Variants in FAT3 observed in about 807,000 individuals in gnomAD.
FAT3 encodes the protein protocadherin Fat 3.
A neutral mutation model predicts 310.2 loss-of-function variants in FAT3; 95 were observed. The ratio of observed to expected loss-of-function variants is 0.31; its 90% CI spans 0.26 to 0.36. FAT3 has a LOEUF of 0.36. Ranked by LOEUF, FAT3 falls within the 10% of genes least tolerant of loss-of-function variation. FAT3 has a pLI of 1.00. For missense variants in FAT3, 5,408 were observed against 5,715.6 expected (o/e 0.95, Z 1.74); for synonymous variants, 2,314 against 2,192.9 (o/e 1.06, Z -1.54).
intron 3 of FAT3, among the ~76,000 whole-genome samples, chr11:92,565,550 A>G (rs12221934): frequency 0.37 from 56,353 of 150,296 alleles, 11,503 homozygotes; most frequent in Middle Eastern, 0.54. Context: ...GGCCAGCATC[A>G]TCCTGATACC....
intron 1 of FAT3, among the ~76,000 whole-genome samples, chr11:92,232,056 G>A (rs1239339188): frequency 6.6e-6 from 1 of 152,180 alleles, no homozygotes; most frequent in Admixed American, 6.5e-5. Context: ...AGTTGCTGTT[G>A]TGATTGGGTG....
chr11:92,428,314 C>CAAA (rs1204153889), intron 2 of FAT3, among the ~76,000 whole-genome samples: 1 of 127,116 alleles, frequency 7.9e-6, no homozygotes, highest in Non-Finnish European at 1.7e-5. Flanking sequence ...TTAATCTTTT[C>CAAA]AAAAAAAAAA....
intron 1 of FAT3, among the ~76,000 whole-genome samples, chr11:92,230,555 A>G (rs1003943260): frequency 6.6e-6 from 1 of 152,094 alleles, no homozygotes; most frequent in Admixed American, 6.5e-5. Flanking sequence ...CGGCCTCCCA[A>G]AGTGCTCGGA....
chr11:92,284,393 A>G (rs1165958777), intron 1 of FAT3, among the ~76,000 whole-genome samples: 1 of 152,096 alleles, frequency 6.6e-6, no homozygotes, highest in Non-Finnish European at 1.5e-5. Flanking sequence ...CAAAGGAGGC[A>G]GTGAATACCT....
At position 92,611,990 on chromosome 11, in the gene FAT3, T is replaced by C. The variant is rs140515360; in HGVS notation, c.3608-85394T>C. Among the ~76,000 whole-genome samples, 181 of 152,282 alleles carry C rather than the reference T, an allele frequency of 1.2e-3. 2 individuals carry two copies. The highest frequency in any genetic ancestry group is 4.0e-3 in the African/African-American group (168 of 41,554). On this transcript the variant is annotated intron_variant, in intron 3 of 27. Transcript: ENST00000525166. ...GGGGAGAACAGTAGGACCTACCTAA[T>C]AGCAACCCCATTAGGATTAAAGGAG...
At chr11:92,314,741 C>T (rs2134467279) in intron 1 of FAT3, among the ~76,000 whole-genome samples, 1 of 152,286 alleles carries the variant, frequency 6.6e-6, no homozygotes, top group South Asian at 2.1e-4. Context: ...TGGAGTTGTC[C>T]TAAGGCTCGT....
intron 3 of FAT3, among the ~76,000 whole-genome samples, chr11:92,680,638 A>C (rs1943456018): frequency 6.6e-6 from 1 of 152,164 alleles, no homozygotes; most frequent in Admixed American, 6.5e-5. Context: ...TTCCTAAAAA[A>C]TTAAATGTAC....
chr11:92,798,542 C>T lies in FAT3; in HGVS notation c.5529C>T (p.Thr1843=). The T allele has an allele frequency of 6.2e-7, 1 of 1,613,736 alleles. No homozygotes were observed. The highest frequency in any genetic ancestry group is 1.1e-5 in the South Asian group (1 of 91,042). The part of the protein sequence containing the change: ...IRTIANLDHE[T]IAHFHFHVHV... ...CAATTGCCAACCTGGACCATGAAACCATTGCCCATTTCCATTTTCATGTGC... is the reference window on the plus strand; with the variant it reads ...CAATTGCCAACCTGGACCATGAAACTATTGCCCATTTCCATTTTCATGTGC... The change falls in exon 10 of 28, where the codon ACC becomes ACT. Residue 1843 remains threonine, a synonymous_variant. Transcript: ENST00000525166.
intron 3 of FAT3, among the ~76,000 whole-genome samples, chr11:92,666,762 A>G (rs562547164): frequency 1.3e-5 from 2 of 152,192 alleles, no homozygotes; most frequent in Admixed American, 1.3e-4. Context: ...GGTGGGTGAA[A>G]GGGAAGGTAG....
At chr11:92,567,904 G>T (rs541298736) in intron 3 of FAT3, among the ~76,000 whole-genome samples, 2 of 146,340 alleles carry the variant, frequency 1.4e-5, no homozygotes, top group Non-Finnish European at 3.0e-5. Context: ...GGTTGGGGGA[G>T]GGGGGAGGGA....
At chr11:92,523,592 GAGAATTCAGGGC>G (rs1453060186) in intron 2 of FAT3, among the ~76,000 whole-genome samples, 2 of 152,204 alleles carry the variant, frequency 1.3e-5, no homozygotes, top group Non-Finnish European at 2.9e-5. Flanking sequence ...ACAGAGGATA[GAGAATTCAGGGC>G]AGAACTGGAG....
intron 3 of FAT3, among the ~76,000 whole-genome samples, chr11:92,600,032 A>G (rs1379549405): frequency 6.6e-6 from 1 of 152,212 alleles, no homozygotes; most frequent in Non-Finnish European, 1.5e-5. Flanking sequence ...TCACCATTAA[A>G]TGCTCTCTAT....
At chr11:92,332,234 C>G (rs773979454) in intron 1 of FAT3, among the ~76,000 whole-genome samples, 4 of 152,176 alleles carry the variant, frequency 2.6e-5, no homozygotes, top group Non-Finnish European at 5.9e-5. Flanking sequence ...TGCACTTTCC[C>G]ACATCTGTGT....
In FAT3 at chr11:92,389,621, T is replaced by G. The variant is rs554961840; in HGVS notation, c.3292+34217T>G. 4.6e-5 allele frequency among the ~76,000 whole-genome samples: 7 copies of G among 152,288 alleles called. No individual in the cohort carries two copies. The South Asian group carries it at 1.5e-3, about 32-fold the overall frequency. On this transcript the variant is annotated intron_variant, in intron 2 of 27. Transcript: ENST00000525166. The stretch of plus-strand genomic sequence containing the variant: ...GCCTGGTACTTAACAATAACTACCA[T>G]TTATTGTGTTGTATGGATGTGGCTT...
intron 3 of FAT3, among the ~76,000 whole-genome samples, chr11:92,622,640 C>T (rs1256098747): frequency 2.6e-5 from 4 of 152,130 alleles, no homozygotes; most frequent in Non-Finnish European, 5.9e-5. Flanking sequence ...CGTCACACAT[C>T]AGAAGTCATG....
At chr11:92,877,520 C>G (rs932687963) in intron 22 of FAT3, among the ~76,000 whole-genome samples, 8 of 152,228 alleles carry the variant, frequency 5.3e-5, no homozygotes, top group African/African-American at 1.9e-4. Flanking sequence ...CACAACCACC[C>G]CTCCTCTGCC....
At chr11:92,751,564 G>C (rs182236067) in intron 4 of FAT3, among the ~76,000 whole-genome samples, 53 of 152,300 alleles carry the variant, frequency 3.5e-4, no homozygotes, top group Middle Eastern at 3.4e-3. Context: ...CAAGTCTTGA[G>C]TGCTGAAAGA....
At chr11:92,328,222 C>T (rs1947815788) in intron 1 of FAT3, among the ~76,000 whole-genome samples, 1 of 152,174 alleles carries the variant, frequency 6.6e-6, no homozygotes, top group Non-Finnish European at 1.5e-5. Flanking sequence ...CTGTCAACTC[C>T]TGCACTCTGA....
intron 1 of FAT3, among the ~76,000 whole-genome samples, chr11:92,284,511 A>G (rs2134374553): frequency 6.6e-6 from 1 of 152,186 alleles, no homozygotes; most frequent in South Asian, 2.1e-4. Context: ...ATTATGTTAT[A>G]AGAGTCCTGG....
Sources: gnomAD v4.1 joint callset for allele counts (sites outside exome capture counted in the v4.1 genomes callset) on GRCh38, gnomAD v4.1.1 for gene constraint, MANE v1.5 for transcripts, NCBI Gene and HGNC (gene_info 2026-07-23, HGNC 2026-07-21) for gene names.